Variants in NEDD9 observed in about 807,000 individuals in gnomAD.
NEDD9 encodes the protein enhancer of filamentation 1.
In NEDD9, 26 loss-of-function variants were observed where a neutral mutation model predicts 76.6. That is an observed-to-expected ratio of 0.34 (90% CI 0.25 to 0.47). The LOEUF (loss-of-function observed/expected upper bound fraction) is 0.47. Among genes scored for constraint, NEDD9 ranks in the 20% least tolerant of loss-of-function variants. The pLI is 1.00. For missense variants in NEDD9, 937 were observed against 1,058.5 expected (o/e 0.89, Z 1.59); for synonymous variants, 392 against 414.2 (o/e 0.95, Z 0.65).
chr6:11,269,349 G>C (rs1760258481), intron 3 of NEDD9, among the ~76,000 whole-genome samples: 1 of 152,198 alleles, frequency 6.6e-6, no homozygotes, highest in Admixed American at 6.5e-5. Context: ...GTAGAGCGTG[G>C]AAAACCTTTA....
At chr6:11,316,958 A>G (rs560022076) in intron 2 of NEDD9, among the ~76,000 whole-genome samples, 85 of 152,254 alleles carry the variant, frequency 5.6e-4, no homozygotes, top group Non-Finnish European at 8.8e-4. Context: ...TGAATGCGGC[A>G]TGTTAAGTTC....
rs1007366428 is a variant in NEDD9, at chr6:11,366,286, G to A, written c.-214+15853C>T. Among the ~76,000 whole-genome samples the A allele has an allele frequency of 7.8e-4, 99 of 126,960 alleles. No homozygotes were observed. The Admixed American group carries it at 8.1e-3, about 10-fold the overall frequency. 83.3% of individuals were successfully genotyped at this position (126,960 alleles called of 152,430 possible). On this transcript the variant is annotated intron_variant, in intron 1 of 3. Transcript: ENST00000397378. ...GTCTGAGAAAGAAGGAAGGAAGGAA[G>A]GAAGGAAGGAAAGAAAGAAAGAAAG...
chr6:11,279,135 A>G (rs1365001946), intron 3 of NEDD9, among the ~76,000 whole-genome samples: 1 of 152,268 alleles, frequency 6.6e-6, no homozygotes, highest in Non-Finnish European at 1.5e-5. Flanking sequence ...CTAAAAGGCT[A>G]CATCATTAAG....
chr6:11,278,848 G>A (rs1226361412), intron 3 of NEDD9, among the ~76,000 whole-genome samples: 1 of 151,946 alleles, frequency 6.6e-6, no homozygotes, highest in African/African-American at 2.4e-5. Flanking sequence ...AGAAGGCAGG[G>A]ATTACAGATG....
chr6:11,338,534 C>T lies in NEDD9; in HGVS notation c.-213-3973G>A, dbSNP rs191817002. Among the ~76,000 whole-genome samples the T allele has an allele frequency of 9.2e-5, 14 of 152,310 alleles. No homozygotes were observed. The East Asian group carries it at 2.5e-3, about 27-fold the overall frequency. ...CAGAAAGAAGCACTTTATCCTAAAT[C>T]TCCCTTATTGAACTATCATTTTGAA... On this transcript the variant is annotated intron_variant, in intron 1 of 3. Transcript: ENST00000397378.
chr6:11,334,169 T>G (rs1326806443), intron 2 of NEDD9, among the ~76,000 whole-genome samples: 1 of 152,242 alleles, frequency 6.6e-6, no homozygotes, highest in Admixed American at 6.5e-5. Context: ...GAAAAAGCTG[T>G]TTATAAAAGT....
intron 2 of NEDD9, among the ~76,000 whole-genome samples, chr6:11,323,829 C>A (rs1295284608): frequency 6.6e-6 from 1 of 152,248 alleles, no homozygotes. Context: ...CCATTAACCA[C>A]CTTGCACGTC....
At chr6:11,360,319 G>T (rs1762655859) in intron 1 of NEDD9, among the ~76,000 whole-genome samples, 1 of 152,232 alleles carries the variant, frequency 6.6e-6, no homozygotes, top group East Asian at 1.9e-4. Flanking sequence ...ATGAGCAAGA[G>T]TCTGCCAGGA....
chr6:11,241,180 C>T lies in NEDD9; in HGVS notation c.13-27453G>A, dbSNP rs1016590426. 3.9e-5 allele frequency among the ~76,000 whole-genome samples: 6 copies of T among 152,166 alleles called. No homozygotes were observed. Among genetic ancestry groups the T allele is most frequent in the South Asian group, 2.1e-4 (1 of 4,824 alleles). On this transcript the variant is annotated intron_variant, in intron 3 of 3. Coordinates refer to the NEDD9 transcript ENST00000397378. The surrounding 1 kb of genome is among the most constrained non-coding windows in gnomAD (Gnocchi z 4.0). ...AATGAGAGTGGCCGTCTCCTCTTTCCGGAGGCACTGCCCAAACACAATCAT... is the reference window on the plus strand; with the variant it reads ...AATGAGAGTGGCCGTCTCCTCTTTCTGGAGGCACTGCCCAAACACAATCAT...
chr6:11,217,338 G>A lies in NEDD9; in HGVS notation c.13-3611C>T, dbSNP rs1430912222. 3.3e-5 allele frequency among the ~76,000 whole-genome samples: 5 copies of A among 152,200 alleles called. No homozygotes were observed. In the South Asian group the frequency reaches 8.3e-4, roughly 25 times the overall value. On this transcript the variant is annotated intron_variant, in intron 1 of 6. Coordinates refer to ENST00000379446, the MANE Select transcript of NEDD9 (RefSeq NM_006403.4). ...CCACAAAGTCAGAAGCTGATGATCT[G>A]CTATCTTAGAAAAACCCCAGAGAGG...
chr6:11,339,901 G>A (rs1205627072), intron 1 of NEDD9, among the ~76,000 whole-genome samples: 2 of 152,182 alleles, frequency 1.3e-5, no homozygotes, highest in East Asian at 1.9e-4. Flanking sequence ...AAGCCATTCA[G>A]CTGTACGGTA....
intron 3 of NEDD9, among the ~76,000 whole-genome samples, chr6:11,280,664 G>C (rs75049237): frequency 0.017 from 2,649 of 152,324 alleles, 74 homozygotes; most frequent in African/African-American, 0.059. Flanking sequence ...TCTCCCATCC[G>C]TACAAGGCCA....
chr6:11,317,867 G>A (rs1321743792), intron 2 of NEDD9, among the ~76,000 whole-genome samples: 1 of 152,150 alleles, frequency 6.6e-6, no homozygotes, highest in African/African-American at 2.4e-5. Flanking sequence ...AGGGTGTTTT[G>A]AAATGAGATT....
At chr6:11,300,399 A>C (rs1761017877) in intron 3 of NEDD9, among the ~76,000 whole-genome samples, 1 of 152,246 alleles carries the variant, frequency 6.6e-6, no homozygotes, top group South Asian at 2.1e-4. Context: ...GGTGTACCTG[A>C]AAGTGACGGG....
chr6:11,260,779 C>T (rs1321331762), intron 3 of NEDD9, among the ~76,000 whole-genome samples: 1 of 152,178 alleles, frequency 6.6e-6, no homozygotes, highest in African/African-American at 2.4e-5. Flanking sequence ...AATAGTCACA[C>T]ACTATTTCTC....
intron 5 of NEDD9, 61 bp from the exon 6 acceptor site, chr6:11,188,368 A>G (rs905466208): frequency 7.4e-7 from 1 of 1,347,286 alleles, no homozygotes. Context: ...TATGCTAACA[A>G]TTTCATTGAC....
intron 3 of NEDD9, among the ~76,000 whole-genome samples, chr6:11,266,646 T>A (rs67430546): frequency 0.25 from 38,174 of 152,010 alleles, 5,219 homozygotes; most frequent in African/African-American, 0.38. Flanking sequence ...TGGTCCTTAG[T>A]CTTCAACTAC....
chr6:11,274,288 G>T (rs1760374204), intron 3 of NEDD9, among the ~76,000 whole-genome samples: 1 of 152,168 alleles, frequency 6.6e-6, no homozygotes, highest in African/African-American at 2.4e-5. Context: ...CATGTCTTAT[G>T]TTCTGAAGGG....
At chr6:11,195,365 C>T (rs1758265798) in intron 2 of NEDD9, among the ~76,000 whole-genome samples, 1 of 152,170 alleles carries the variant, frequency 6.6e-6, no homozygotes. Context: ...TATAGAATGG[C>T]CACTGTATTG....
Sources: gnomAD v4.1 joint callset for allele counts (sites outside exome capture counted in the v4.1 genomes callset) on GRCh38, gnomAD v4.1.1 for gene constraint, Gnocchi (gnomAD v3.1) non-coding constraint, MANE v1.5 for transcripts, NCBI Gene and HGNC (gene_info 2026-07-23, HGNC 2026-07-21) for gene names.